Variants in ZMAT4 observed in about 807,000 individuals in gnomAD.
ZMAT4 encodes zinc finger matrin-type protein 4.
In ZMAT4, 17 loss-of-function variants were observed where a neutral mutation model predicts 28.7. The ratio of observed to expected loss-of-function variants is 0.59; its 90% CI spans 0.41 to 0.89. The LOEUF is 0.89. ZMAT4 is among the 40% of genes least tolerant of loss of function. The pLI is 0.00. For synonymous variants in ZMAT4, 117 were observed against 109.2 expected, an observed-to-expected ratio of 1.07 and a Z score of -0.44; for missense variants, 240 against 283.8, an observed-to-expected ratio of 0.85 and a Z score of 1.11.
In ZMAT4 at chr8:40,891,130, C is replaced by T. The variant is rs896347292; in HGVS notation, c.-5+6553G>A. 5.5e-5 allele frequency among the ~76,000 whole-genome samples: 8 copies of T among 145,654 alleles called. No homozygotes were observed. In the South Asian group the frequency reaches 1.6e-3, roughly 29 times the overall value. ...GGAGGATTGCTTGAGGCCAGGAGTT[C>T]GAGGCTACAGTAAACCATAATTGCA... On this transcript the variant is annotated intron_variant, in intron 1 of 6. Coordinates refer to ENST00000297737, the MANE Select transcript of ZMAT4 (RefSeq NM_024645.3).
rs79591072 is a variant in ZMAT4 at position 40,803,749 on chromosome 8, A to G, written c.102+21826T>C. Among the ~76,000 whole-genome samples, 397 of 152,290 alleles carry G rather than the reference A, an allele frequency of 2.6e-3. 10 individuals are homozygous for G. The East Asian group carries it at 0.044, about 17-fold the overall frequency. On this transcript the variant is annotated intron_variant, in intron 2 of 6. Coordinates refer to ENST00000297737, the MANE Select transcript of ZMAT4 (RefSeq NM_024645.3). ...TTGGTATATAGCCAAAGGAGTGAAA[A>G]ACTTGTGCCCACAAAAAAAGCCTGC...
chr8:40,667,831 A>AT lies in ZMAT4; in HGVS notation c.577+6872dup, dbSNP rs1170001825. ...AAATGAATCCAGCATAAGGTCCATT[A>AT]TTTAAAAAAAAAAAAAACAACAAAA... On this transcript the variant is annotated intron_variant, in intron 5 of 6. Coordinates refer to ENST00000297737, the MANE Select transcript of ZMAT4 (RefSeq NM_024645.3). 3.6e-4 allele frequency among the ~76,000 whole-genome samples: 34 copies of AT among 95,428 alleles called. No individual in the cohort carries two copies. In the East Asian group the frequency reaches 0.014, roughly 39 times the overall value. 62.6% of individuals were successfully genotyped at this position (95,428 alleles called of 152,430 possible).
Position 40,607,015 on chromosome 8 carries a change from T to C in ZMAT4, c.578-25754A>G, listed in dbSNP as rs114501889. 3.8e-3 allele frequency among the ~76,000 whole-genome samples: 572 copies of C among 152,180 alleles called. 2 individuals are homozygous for C. The highest frequency in any genetic ancestry group is 0.013 in the African/African-American group (546 of 41,544). Reference sequence around the variant, plus strand: ...ATTCTATTGTTGAGAGTTTCCAGTGTATTTTACATTTTTCCAACATGTCCT... The same window carrying C: ...ATTCTATTGTTGAGAGTTTCCAGTGCATTTTACATTTTTCCAACATGTCCT... On this transcript the variant is annotated intron_variant, in intron 5 of 6. Transcript: ENST00000297737.
Position 40,646,509 on chromosome 8 carries a change from G to A in ZMAT4, c.577+28195C>T, listed in dbSNP as rs898093148. Reference sequence around the variant, plus strand: ...TTAATATTTAATCAACTTTATAGTCGATTATATAGTTGACAGTGTAATTTA... The same window carrying A: ...TTAATATTTAATCAACTTTATAGTCAATTATATAGTTGACAGTGTAATTTA... On this transcript the variant is annotated intron_variant, in intron 5 of 6. Transcript: ENST00000297737. Among the ~76,000 whole-genome samples the A allele has an allele frequency of 7.3e-5, 11 of 151,674 alleles. 1 individual carries two copies. Among genetic ancestry groups the A allele is most frequent in the South Asian group, 2.1e-4 (1 of 4,798 alleles).
At chr8:40,708,954 A>G (rs1810485522) in intron 3 of ZMAT4, among the ~76,000 whole-genome samples, 1 of 152,044 alleles carries the variant, frequency 6.6e-6, no homozygotes, top group Admixed American at 6.6e-5. Context: ...AAACCAAAAC[A>G]AAACAAACTA....
Position 40,532,209 on chromosome 8 carries a change from G to C in ZMAT4, c.*14C>G, listed in dbSNP as rs780255632. The C allele has an allele frequency of 1.0e-5, 16 of 1,597,470 alleles. No individual in the cohort carries two copies. The South Asian group carries it at 1.3e-4, about 12-fold the overall frequency. On this transcript the variant is annotated 3_prime_UTR_variant, in exon 7 of 7. Transcript: ENST00000297737. Reference sequence around the variant, plus strand: ...TGCTAATGTTTTGTTCTTATGTCTTGATTGATGCTTTCACTACTTATTCTT... The same window carrying C: ...TGCTAATGTTTTGTTCTTATGTCTTCATTGATGCTTTCACTACTTATTCTT...
At chr8:40,557,638 C>T (rs1803590617) in intron 6 of ZMAT4, among the ~76,000 whole-genome samples, 1 of 152,156 alleles carries the variant, frequency 6.6e-6, no homozygotes, top group Admixed American at 6.6e-5. Flanking sequence ...CCATAGCACT[C>T]TCTGCTTTTT....
chr8:40,808,360 A>G (rs1354857784), intron 2 of ZMAT4: 3 of 301,382 alleles, frequency 1.0e-5, no homozygotes, highest in Non-Finnish European at 2.0e-5. Flanking sequence ...AAATGTGGTA[A>G]TGAAAATGCA....
chr8:40,712,742 C>T (rs1455624408), intron 3 of ZMAT4, among the ~76,000 whole-genome samples: 1 of 152,112 alleles, frequency 6.6e-6, no homozygotes, highest in Non-Finnish European at 1.5e-5. Context: ...TAGCAAGGAG[C>T]AGGAAAAGAT....
chr8:40,625,901 CG>C (rs1563372787), intron 5 of ZMAT4, among the ~76,000 whole-genome samples: 4 of 152,022 alleles, frequency 2.6e-5, no homozygotes, highest in Non-Finnish European at 5.9e-5. Flanking sequence ...CACCTGAGGT[CG>C]GGAGTTTGAG....
chr8:40,762,945 T>C (rs905759389), intron 3 of ZMAT4, among the ~76,000 whole-genome samples: 1 of 152,176 alleles, frequency 6.6e-6, no homozygotes, highest in African/African-American at 2.4e-5. Flanking sequence ...TCTGAGTTTG[T>C]TTCCCTGAAG....
At chr8:40,624,857 T>C (rs891421954) in intron 5 of ZMAT4, among the ~76,000 whole-genome samples, 2 of 152,200 alleles carry the variant, frequency 1.3e-5, no homozygotes, top group African/African-American at 4.8e-5. Flanking sequence ...CTGAGAATGC[T>C]GCCTTAAAGA....
intron 1 of ZMAT4, among the ~76,000 whole-genome samples, chr8:40,851,225 G>T (rs769978015): frequency 6.6e-6 from 1 of 152,186 alleles, no homozygotes; most frequent in African/African-American, 2.4e-5. Flanking sequence ...CTACTAGGGA[G>T]GCTAAGGCTG....
At chr8:40,592,162 T>C (rs1317538688) in intron 5 of ZMAT4, among the ~76,000 whole-genome samples, 1 of 152,154 alleles carries the variant, frequency 6.6e-6, no homozygotes, top group African/African-American at 2.4e-5. Context: ...GCTCTTAGGG[T>C]GTCCCAAGTA....
intron 1 of ZMAT4, among the ~76,000 whole-genome samples, chr8:40,881,468 A>AAAGAAAG (rs1554497957): frequency 1.4e-5 from 2 of 147,410 alleles, no homozygotes; most frequent in Non-Finnish European, 3.0e-5. Context: ...AGAAAGAAAG[A>AAAGAAAG]AAGAAAGAAA....
chr8:40,697,323 C>T lies in ZMAT4; in HGVS notation c.271G>A (p.Asp91Asn), dbSNP rs773491757. The change falls in exon 4 of 7, where the codon GAT becomes AAT. Residue 91 changes from aspartate (D) to asparagine (N), a missense_variant. Transcript: ENST00000297737. Reference sequence around the variant, plus strand: ...TGGATTTTGCCTTGATAATGGGAATCGGCCACCACCGCTGAAGTGAATGAC... The same window carrying T: ...TGGATTTTGCCTTGATAATGGGAATTGGCCACCACCGCTGAAGTGAATGAC... The part of the protein sequence containing the change: ...NMSFTSAVVA[D>N]SHYQGKIHAK... The T allele has an allele frequency of 2.0e-5, 32 of 1,613,688 alleles. No homozygotes were observed. Among genetic ancestry groups the T allele is most frequent in the South Asian group, 4.4e-5 (4 of 91,050 alleles).
intron 3 of ZMAT4, among the ~76,000 whole-genome samples, chr8:40,740,954 A>C (rs566322296): frequency 2.3e-4 from 35 of 152,062 alleles, no homozygotes; most frequent in African/African-American, 8.0e-4. Flanking sequence ...CTCCTTTAGC[A>C]AAAATTCATT....
chr8:40,680,266 C>G (rs966946505), intron 4 of ZMAT4, among the ~76,000 whole-genome samples: 1 of 152,174 alleles, frequency 6.6e-6, no homozygotes, highest in Non-Finnish European at 1.5e-5. Context: ...CAAACCCTAA[C>G]TCCAGCTTTC....
In ZMAT4 at chr8:40,634,108, A is replaced by G. The variant is rs2118736205; in HGVS notation, c.577+40596T>C. Among the ~76,000 whole-genome samples the G allele has an allele frequency of 3.3e-5, 5 of 152,294 alleles. 1 individual carries two copies. In the South Asian group the frequency reaches 1.0e-3, roughly 32 times the overall value. ...GTGGTTGGGAAGGTAGAAATGAATG[A>G]AAAGTAAAGGGGCAAAAACATTATC... is the stretch of plus-strand genomic sequence containing the variant. On this transcript the variant is annotated intron_variant, in intron 5 of 6. Transcript: ENST00000297737.
Sources: gnomAD v4.1 joint callset for allele counts (sites outside exome capture counted in the v4.1 genomes callset) on GRCh38, gnomAD v4.1.1 for gene constraint, MANE v1.5 for transcripts, NCBI Gene and HGNC (gene_info 2026-07-23, HGNC 2026-07-21) for gene names.